The following SYNE1 variants were observed in gnomAD, a reference collection of about 807,000 sequenced individuals.
SYNE1 encodes spectrin repeat containing nuclear envelope protein 1, also known as nesprin-1.
In SYNE1, 616 loss-of-function variants were observed where a neutral mutation model predicts 1,111.0. The ratio of observed to expected loss-of-function variants is 0.55; its 90% CI spans 0.52 to 0.59. The LOEUF (loss-of-function observed/expected upper bound fraction) is 0.59, where lower values mean the gene tolerates loss of function less well. Among genes scored for constraint, SYNE1 ranks in the 20% least tolerant of loss-of-function variants. The probability of loss-of-function intolerance (pLI) is 0.00; values close to 1 mark genes in which losing one functional copy is unlikely to be tolerated. For synonymous variants in SYNE1, 3,855 were observed against 3,825.8 expected (o/e 1.01, Z -0.28); for missense variants, 10,006 against 10,417.0 (o/e 0.96, Z 1.72).
chr6:152,425,582 AC>A (rs766137429), intron 38 of SYNE1, 35 bp from the exon 39 acceptor site: 2 of 1,613,676 alleles, frequency 1.2e-6, no homozygotes, highest in South Asian at 2.2e-5. Context: ...TCTCATCCTA[AC>A]AGGACTGAAA....
At chr6:152,309,313 C>T (rs2095477927) in intron 90 of SYNE1, among the ~76,000 whole-genome samples, 1 of 152,088 alleles carries the variant, frequency 6.6e-6, no homozygotes, top group Non-Finnish European at 1.5e-5. Context: ...TTGGATAAAG[C>T]AAGAATTATT....
At chr6:152,318,782 T>C in intron 85 of SYNE1, 81 bp downstream of exon 85, 1 of 1,556,650 alleles carries the variant, frequency 6.4e-7, no homozygotes, top group South Asian at 1.2e-5. Flanking sequence ...TAAAAGGTTT[T>C]TATCCTATAT....
chr6:152,614,140 T>G (rs191273766), intron 3 of SYNE1, among the ~76,000 whole-genome samples: 4 of 151,916 alleles, frequency 2.6e-5, no homozygotes, highest in African/African-American at 9.7e-5. Context: ...ACAAATGGGA[T>G]CTAATTAAAC....
At chr6:152,151,392 T>C (rs1275155910) in intron 135 of SYNE1, among the ~76,000 whole-genome samples, 161 bp downstream of exon 135, 1 of 152,104 alleles carries the variant, frequency 6.6e-6, no homozygotes, top group African/African-American at 2.4e-5. Context: ...GTAGTGCTCT[T>C]TATCTGATTT....
rs145882121 is a variant in SYNE1 at position 152,451,468 on chromosome 6, A to ATTTT, written c.3028-267_3028-264dup. ...AATTTTCACAGTAGCCCTGCACCGT[A>ATTTT]TTTTTTTTTTTTTTTTTTTTTTTTT... On this transcript the variant is annotated intron_variant, in intron 25 of 145. Coordinates refer to ENST00000367255, the MANE Select transcript of SYNE1 (RefSeq NM_182961.4). Among the ~76,000 whole-genome samples, 34 of 49,828 alleles carry ATTTT rather than the reference A, an allele frequency of 6.8e-4. 3 individuals carry two copies. The highest frequency in any genetic ancestry group is 2.2e-3 in the African/African-American group (26 of 11,950). The allele number at this position is 49,828 out of a possible 152,430, so 32.7% of individuals were successfully genotyped here.
At position 152,236,199 on chromosome 6, in the gene SYNE1, T is replaced by G; in HGVS notation, c.20304A>C (p.Gln6768His). 1.2e-6 allele frequency: 2 copies of G among 1,614,198 alleles called. No individual in the cohort carries two copies. Among genetic ancestry groups the G allele is most frequent in the Non-Finnish European group, 1.7e-6 (2 of 1,180,014 alleles). ...ISISCSDLES[Q>H]LNQLGECWLS... ...GCCAGCACTCTCCAAGTTGATTTAG[T>G]TGGCTTTCTAGATCTGAGCAGCTGA... is the stretch of plus-strand genomic sequence containing the variant. The change falls in exon 110 of 146, where the codon CAA becomes CAC. Residue 6768 changes from glutamine to histidine, a missense_variant. Around this residue, in one of 7 missense-constraint regions of SYNE1, gnomAD observed 2,182 missense variants for 2,287.8 expected, o/e 0.95. Coordinates refer to ENST00000367255, the MANE Select transcript of SYNE1 (RefSeq NM_182961.4).
rs1317556650 is a variant in SYNE1 at position 152,326,588 on chromosome 6, C to T, written c.15001G>A (p.Val5001Ile). The T allele has an allele frequency of 1.9e-6, 3 of 1,614,062 alleles. No individual in the cohort carries two copies. The Admixed American group carries it at 5.0e-5, about 27-fold the overall frequency. The change falls in exon 79 of 146, where the codon GTA becomes ATA. Residue 5001 changes from valine to isoleucine, a missense_variant. Val to Ile is a conservative substitution (Grantham distance 29). Transcript: ENST00000367255. ...IYSQCQRYYQ[V>I]FQAANDWLED... ...AGCCAGTCATTGGCTGCTTGAAATA[C>T]CTGATAATACCTTTGACACTGGCTA...
At chr6:152,385,623 A>C in intron 55 of SYNE1, 51 bp downstream of exon 55, 1 of 1,594,510 alleles carries the variant, frequency 6.3e-7, no homozygotes, top group Non-Finnish European at 8.6e-7. Context: ...TATCAAAAGT[A>C]CTCAAGAAGG....
intron 127 of SYNE1, among the ~76,000 whole-genome samples, chr6:152,190,980 C>T (rs1220027028): frequency 6.6e-6 from 1 of 152,148 alleles, no homozygotes; most frequent in East Asian, 1.9e-4. Flanking sequence ...GGGTTTTTAT[C>T]AGGAAAGGTT....
At chr6:152,348,763 T>C (rs1176045081) in intron 72 of SYNE1, among the ~76,000 whole-genome samples, 1 of 151,906 alleles carries the variant, frequency 6.6e-6, no homozygotes, top group Non-Finnish European at 1.5e-5. Context: ...TTTTTTCCTG[T>C]TATATGATGC....
At chr6:152,554,079 T>C (rs1419881897) in intron 3 of SYNE1, among the ~76,000 whole-genome samples, 1 of 151,660 alleles carries the variant, frequency 6.6e-6, no homozygotes, top group Non-Finnish European at 1.5e-5. Flanking sequence ...CAGCTGTGAG[T>C]CTTCAGCAGG....
chr6:152,456,811 G>C (rs2098699685), intron 22 of SYNE1: 1 of 412,548 alleles, frequency 2.4e-6, no homozygotes, highest in African/African-American at 2.1e-5. Context: ...AACTGCGTTA[G>C]AAAAATACTT....
chr6:152,516,665 A>G (rs1337353726), intron 6 of SYNE1, among the ~76,000 whole-genome samples: 1 of 152,058 alleles, frequency 6.6e-6, no homozygotes, highest in African/African-American at 2.4e-5. Flanking sequence ...CGTAGCCTCA[A>G]CCTCCCAGGC....
At chr6:152,240,622 G>A (rs943747470) in intron 107 of SYNE1, among the ~76,000 whole-genome samples, 1 of 152,160 alleles carries the variant, frequency 6.6e-6, no homozygotes. Context: ...GATAATGACA[G>A]TTAACATTAA....
chr6:152,350,202 A>G lies in SYNE1; in HGVS notation c.11867T>C (p.Leu3956Pro), dbSNP rs150913316. 215 of 1,613,764 alleles carry G rather than the reference A, an allele frequency of 1.3e-4. 1 individual carries two copies. Among genetic ancestry groups the G allele is most frequent in the South Asian group, 2.1e-4 (19 of 91,056 alleles). ...VAPDLLETSSLETITQQLAHH... is the reference protein window; with the variant it reads ...VAPDLLETSSPETITQQLAHH... ...GGCCAATTGCTGGGTGATTGTCTCCAGGCTGCTTGTCTCCAGGAGGTCAGG... is the reference window on the plus strand; with the variant it reads ...GGCCAATTGCTGGGTGATTGTCTCCGGGCTGCTTGTCTCCAGGAGGTCAGG... The change falls in exon 72 of 146, where the codon CTG (leucine) becomes CCG (proline). Residue 3956 changes from leucine to proline, a missense_variant. By Grantham distance (98) the Leu-to-Pro change is moderately conservative. Coordinates refer to ENST00000367255, the MANE Select transcript of SYNE1 (RefSeq NM_182961.4).
chr6:152,535,486 T>C (rs2099230462), intron 4 of SYNE1, among the ~76,000 whole-genome samples: 1 of 152,182 alleles, frequency 6.6e-6, no homozygotes, highest in Non-Finnish European at 1.5e-5. Context: ...GCTCATTCTA[T>C]ATTGAAAAGA....
intron 3 of SYNE1, among the ~76,000 whole-genome samples, chr6:152,596,859 G>C (rs745377272): frequency 3.3e-5 from 5 of 152,160 alleles, no homozygotes; most frequent in African/African-American, 1.2e-4. Context: ...ACTTACCAGA[G>C]CAGTTGGTTT....
chr6:152,138,871 A>G (rs2057736400), intron 140 of SYNE1, among the ~76,000 whole-genome samples: 1 of 152,200 alleles, frequency 6.6e-6, no homozygotes, highest in South Asian at 2.1e-4. Flanking sequence ...GCTGGAGTTA[A>G]GGTGTACTAT....
chr6:152,186,452 A>C (rs1190433645), intron 128 of SYNE1, among the ~76,000 whole-genome samples: 1 of 149,892 alleles, frequency 6.7e-6, no homozygotes, highest in Non-Finnish European at 1.5e-5. Context: ...GTTACTCGGG[A>C]GGCTGAGGCA....
Sources: gnomAD v4.1 joint callset for allele counts (sites outside exome capture counted in the v4.1 genomes callset) on GRCh38, gnomAD v4.1.1 for gene constraint, gnomAD v4.1.1 regional missense constraint, MANE v1.5 for transcripts, NCBI Gene and HGNC (gene_info 2026-07-23, HGNC 2026-07-21) for gene names.